Variants in RNFT1 observed in about 807,000 individuals in gnomAD.
RNFT1 encodes ring finger protein, transmembrane 1, also known as E3 ubiquitin-protein ligase RNFT1.
In RNFT1, 35 loss-of-function variants were observed where a neutral mutation model predicts 53.2. The observed-to-expected ratio is 0.66, with a 90% CI of 0.50 to 0.87. RNFT1 has a LOEUF of 0.87. RNFT1 is among the 40% of genes least tolerant of loss of function. The pLI, the probability that RNFT1 is intolerant of heterozygous loss-of-function variation, is 0.00. For synonymous variants in RNFT1, 141 were observed against 172.8 expected (o/e 0.82, Z 1.44); for missense variants, 421 against 515.0 (o/e 0.82, Z 1.77).
Position 59,960,175 on chromosome 17 carries a change from G to A in RNFT1, c.592-7C>T. On this transcript the variant is annotated splice_polypyrimidine_tract_variant and splice_region_variant and intron_variant, in intron 3 of 8. Coordinates refer to ENST00000305783, the MANE Select transcript of RNFT1 (RefSeq NM_016125.4). ...GAATCTTTGAGGACCTTTCCTGAAA[G>A]ATAAACAATTTTATAATGTTACTTT... 2 of 1,595,956 alleles carry A rather than the reference G, an allele frequency of 1.3e-6. No individual in the cohort carries two copies. The highest frequency in any genetic ancestry group is 1.7e-6 in the Non-Finnish European group (2 of 1,174,478).
At chr17:59,961,242 T>C (rs1474160978) in intron 3 of RNFT1, among the ~76,000 whole-genome samples, 2 of 151,906 alleles carry the variant, frequency 1.3e-5, no homozygotes, top group African/African-American at 4.8e-5. Context: ...TTTGCCATGT[T>C]GCCCAGGCTC....
intron 4 of RNFT1, among the ~76,000 whole-genome samples, chr17:59,958,997 T>A (rs1350902318): frequency 6.6e-6 from 1 of 152,204 alleles, no homozygotes; most frequent in Non-Finnish European, 1.5e-5. Context: ...GCTCTCTATC[T>A]ACACTCTCTT....
At chr17:59,963,321 G>A in intron 1 of RNFT1, 37 bp from the exon 2 acceptor site, 1 of 1,550,422 alleles carries the variant, frequency 6.4e-7, no homozygotes, top group Non-Finnish European at 8.8e-7. Context: ...AAGTAAACAG[G>A]CAGTTAAATA....
chr17:59,955,975 A>G (rs1355460320), intron 7 of RNFT1, among the ~76,000 whole-genome samples: 1 of 152,170 alleles, frequency 6.6e-6, no homozygotes, highest in Non-Finnish European at 1.5e-5. Context: ...TTAATTGTTA[A>G]ATTTCATGCC....
intron 5 of RNFT1, among the ~76,000 whole-genome samples, chr17:59,957,831 C>T (rs1386637884): frequency 6.6e-6 from 1 of 151,580 alleles, no homozygotes; most frequent in Non-Finnish European, 1.5e-5. Context: ...GGCAACAGAG[C>T]GAGAGACAAT....
chr17:59,957,739 G>A (rs921289913), intron 5 of RNFT1, among the ~76,000 whole-genome samples: 1 of 152,144 alleles, frequency 6.6e-6, no homozygotes, highest in African/African-American at 2.4e-5. Context: ...CAGCTACTCA[G>A]GAGGCTGAGG....
intron 5 of RNFT1, among the ~76,000 whole-genome samples, chr17:59,957,643 C>T (rs1159324755): frequency 3.9e-5 from 6 of 152,042 alleles, no homozygotes; most frequent in South Asian, 2.1e-4. Context: ...GTCAGGAGTT[C>T]GAGACCAGCT....
intron 1 of RNFT1, among the ~76,000 whole-genome samples, chr17:59,963,675 AAAG>A (rs1217229226): frequency 2.0e-5 from 3 of 152,216 alleles, no homozygotes; most frequent in South Asian, 2.1e-4. Context: ...ATTCTACATC[AAAG>A]AAGTTTCATA....
In RNFT1 at chr17:59,964,691, C is replaced by A. The variant is rs372897436; in HGVS notation, c.-28G>T. The A allele has an allele frequency of 5.4e-5, 85 of 1,584,472 alleles. No homozygotes were observed. The highest frequency in any genetic ancestry group is 5.4e-5 in the African/African-American group (4 of 73,668). On this transcript the variant is annotated 5_prime_UTR_variant, in exon 1 of 9. Transcript: ENST00000305783. Reference sequence around the variant, plus strand: ...ACCGCCTCCAGCCCTTCAGTCGGGGCCATCAACCGCAAACCCCGCAAGCTC... The same window carrying A: ...ACCGCCTCCAGCCCTTCAGTCGGGGACATCAACCGCAAACCCCGCAAGCTC...
chr17:59,961,889 T>A (rs1420628117), intron 3 of RNFT1, among the ~76,000 whole-genome samples: 1 of 144,376 alleles, frequency 6.9e-6, no homozygotes, highest in Non-Finnish European at 1.5e-5. Context: ...GGTCTTTTTT[T>A]TTTTTTTTTT....
chr17:59,954,485 C>T (rs1351513253), intron 7 of RNFT1, among the ~76,000 whole-genome samples: 11 of 152,098 alleles, frequency 7.2e-5, no homozygotes, highest in Admixed American at 7.2e-4. Context: ...TTATTTGACC[C>T]AGGACTGCCA....
intron 8 of RNFT1, 25 bp from the exon 9 acceptor site, chr17:59,953,136 T>C (rs1207876579): frequency 1.9e-6 from 3 of 1,547,820 alleles, no homozygotes; most frequent in Non-Finnish European, 2.7e-6. Context: ...AGAATTAGAT[T>C]TGATATTTGA....
intron 8 of RNFT1, among the ~76,000 whole-genome samples, chr17:59,953,629 A>G (rs143920413): frequency 6.6e-6 from 1 of 152,356 alleles, no homozygotes; most frequent in East Asian, 1.9e-4. Context: ...TGTACCATCC[A>G]TTTAACCATA....
intron 5 of RNFT1, among the ~76,000 whole-genome samples, chr17:59,957,729 C>T (rs2045262898): frequency 6.6e-6 from 1 of 152,124 alleles, no homozygotes; most frequent in Non-Finnish European, 1.5e-5. Flanking sequence ...CCTGTAATCC[C>T]AGCTACTCAG....
chr17:59,957,563 C>A (rs2045261815), intron 5 of RNFT1, among the ~76,000 whole-genome samples, 181 bp from the exon 6 acceptor site: 1 of 152,080 alleles, frequency 6.6e-6, no homozygotes, highest in South Asian at 2.1e-4. Context: ...CACTGAGTGG[C>A]CTGCTTTGAA....
chr17:59,954,006 C>T, intron 8 of RNFT1, 39 bp downstream of exon 8: 1 of 1,243,890 alleles, frequency 8.0e-7, no homozygotes, highest in South Asian at 1.4e-5. Context: ...TCACAGAGAA[C>T]TGTTGTATTT....
intron 3 of RNFT1, among the ~76,000 whole-genome samples, chr17:59,960,854 G>A (rs189061049): frequency 6.6e-6 from 1 of 151,930 alleles, no homozygotes; most frequent in East Asian, 1.9e-4. Flanking sequence ...ATTTCAAAAT[G>A]CATTTTAACC....
chr17:59,961,068 ACT>A (rs1263419848), intron 3 of RNFT1, among the ~76,000 whole-genome samples: 4 of 144,582 alleles, frequency 2.8e-5, no homozygotes, highest in Non-Finnish European at 4.5e-5. Context: ...ACTGGGTCTC[ACT>A]CTTTCACCCA....
intron 7 of RNFT1, among the ~76,000 whole-genome samples, chr17:59,954,547 G>A (rs565455506): frequency 1.3e-5 from 2 of 152,298 alleles, no homozygotes; most frequent in Admixed American, 6.5e-5. Flanking sequence ...CCAGCCAGAG[G>A]TTGGCTGGTT....
Sources: gnomAD v4.1 joint callset for allele counts (sites outside exome capture counted in the v4.1 genomes callset) on GRCh38, gnomAD v4.1.1 for gene constraint, MANE v1.5 for transcripts, NCBI Gene and HGNC (gene_info 2026-07-23, HGNC 2026-07-21) for gene names.